The following ZNF407 variants were observed in gnomAD, a reference collection of about 807,000 sequenced individuals.
The protein encoded by ZNF407 is zinc finger protein 407.
ZNF407 carries 17 observed loss-of-function variants against 131.2 expected under a neutral mutation model. The ratio of observed to expected loss-of-function variants is 0.13; its 90% confidence interval spans 0.09 to 0.19. The LOEUF (loss-of-function observed/expected upper bound fraction) is 0.19, where lower values mean the gene tolerates loss of function less well. Ranked by LOEUF, ZNF407 falls within the 10% of genes least tolerant of loss-of-function variation. The pLI, the probability that ZNF407 is intolerant of heterozygous loss-of-function variation, is 1.00. For missense variants in ZNF407, 2,681 were observed against 2,830.6 expected (o/e 0.95, Z 1.20); for synonymous variants, 1,156 against 1,062.0 (o/e 1.09, Z -1.72).
chr18:74,842,117 G>A (rs1291547285), intron 4 of ZNF407, among the ~76,000 whole-genome samples: 1 of 152,142 alleles, frequency 6.6e-6, no homozygotes, highest in African/African-American at 2.4e-5. Context: ...TTTTTGGAAA[G>A]GTTGCCTAAG....
chr18:74,702,305 A>C (rs1037034705), intron 3 of ZNF407, among the ~76,000 whole-genome samples: 1 of 152,146 alleles, frequency 6.6e-6, no homozygotes, highest in Non-Finnish European at 1.5e-5. Flanking sequence ...AATCAAGTAC[A>C]CTTTTGGTGT....
chr18:74,679,970 T>A (rs951599824), intron 3 of ZNF407, among the ~76,000 whole-genome samples: 4 of 152,242 alleles, frequency 2.6e-5, no homozygotes, highest in Non-Finnish European at 4.4e-5. Flanking sequence ...TTATTATGAA[T>A]GTGAGTCCTG....
rs538943464 is a variant in ZNF407 at position 75,031,030 on chromosome 18, A to G, written c.5429-32120A>G. Among the ~76,000 whole-genome samples, 9 of 152,338 alleles carry G rather than the reference A, an allele frequency of 5.9e-5. No individual in the cohort carries two copies. The South Asian group carries it at 1.4e-3, about 25-fold the overall frequency. The stretch of plus-strand genomic sequence containing the variant: ...GGCCATGGGTGTTTGCAGACCTGAA[A>G]GGTGGCATGCCCCCACACACATAGC... On this transcript the variant is annotated intron_variant, in intron 8 of 8. Coordinates refer to ENST00000299687, the MANE Select transcript of ZNF407 (RefSeq NM_017757.3).
intron 3 of ZNF407, among the ~76,000 whole-genome samples, chr18:74,687,094 C>G (rs1456498860): frequency 6.6e-6 from 1 of 151,992 alleles, no homozygotes; most frequent in Non-Finnish European, 1.5e-5. Flanking sequence ...ATGCCTATAA[C>G]CCTAGTGCTT....
chr18:74,814,505 G>T (rs189074527), intron 4 of ZNF407, among the ~76,000 whole-genome samples: 1 of 152,084 alleles, frequency 6.6e-6, no homozygotes, highest in Admixed American at 6.6e-5. Context: ...TATTTTTAAA[G>T]GATTTATTTG....
In ZNF407 at chr18:74,766,009, CTGTGTGTGTGTGTGTG is replaced by C. The variant is rs58103313; in HGVS notation, c.4803-15387_4803-15372del. On this transcript the variant is annotated intron_variant, in intron 3 of 8. Coordinates refer to ENST00000299687, the MANE Select transcript of ZNF407 (RefSeq NM_017757.3). Reference sequence around the variant, plus strand: ...GCCACTGTGATATACGCATATTACTCTGTGTGTGTGTGTGTGTGTGTGTGTGTGTGTGTGTGTGTGT... The same window carrying C: ...GCCACTGTGATATACGCATATTACTCTGTGTGTGTGTGTGTGTGTGTGTGT... Among the ~76,000 whole-genome samples the C allele has an allele frequency of 7.0e-3, 1,039 of 148,194 alleles. 10 individuals carry two copies. The highest frequency in any genetic ancestry group is 0.019 in the African/African-American group (752 of 40,110).
intron 4 of ZNF407, among the ~76,000 whole-genome samples, chr18:74,856,903 C>G (rs544626695): frequency 2.0e-5 from 3 of 152,268 alleles, no homozygotes; most frequent in Admixed American, 2.0e-4. Flanking sequence ...AAGCCAGGAA[C>G]AAGACACTGG....
chr18:74,735,568 G>A (rs971040400), intron 3 of ZNF407, among the ~76,000 whole-genome samples: 20 of 152,174 alleles, frequency 1.3e-4, no homozygotes, highest in Admixed American at 8.5e-4. Context: ...TTACTCAACC[G>A]TTGAGGAGAG....
chr18:74,626,492 G>A (rs1205948554), intron 1 of ZNF407, among the ~76,000 whole-genome samples: 2 of 152,212 alleles, frequency 1.3e-5, no homozygotes, highest in Admixed American at 6.5e-5. Flanking sequence ...TCACTGGTGT[G>A]TATGTCATGT....
chr18:74,760,646 CA>C (rs1279587858), intron 3 of ZNF407, among the ~76,000 whole-genome samples: 1 of 152,104 alleles, frequency 6.6e-6, no homozygotes, highest in Non-Finnish European at 1.5e-5. Flanking sequence ...AAGTCAAAGA[CA>C]AACCCTGAGC....
At chr18:74,931,467 A>G (rs572319307) in intron 8 of ZNF407, among the ~76,000 whole-genome samples, 127 of 152,284 alleles carry the variant, frequency 8.3e-4, no homozygotes, top group African/African-American at 1.5e-3. Flanking sequence ...GCTCAACACC[A>G]TTACTGTTAG....
At chr18:74,720,248 G>A (rs555665997) in intron 3 of ZNF407, among the ~76,000 whole-genome samples, 5 of 151,450 alleles carry the variant, frequency 3.3e-5, no homozygotes, top group African/African-American at 4.9e-5. Flanking sequence ...GTTTTGATTT[G>A]CATTTCCCTG....
intron 3 of ZNF407, among the ~76,000 whole-genome samples, chr18:74,767,084 G>A (rs1969250648): frequency 6.6e-6 from 1 of 151,942 alleles, no homozygotes; most frequent in South Asian, 2.1e-4. Flanking sequence ...GCTAATTTTT[G>A]TATTTTTAGT....
At chr18:74,796,141 T>G (rs1969915871) in intron 4 of ZNF407, among the ~76,000 whole-genome samples, 1 of 152,242 alleles carries the variant, frequency 6.6e-6, no homozygotes. Flanking sequence ...AATCTTAATT[T>G]TATCATGGTG....
intron 3 of ZNF407, among the ~76,000 whole-genome samples, chr18:74,664,782 C>T (rs769877922): frequency 6.6e-6 from 1 of 151,984 alleles, no homozygotes; most frequent in Non-Finnish European, 1.5e-5. Flanking sequence ...CCCAGTGCAT[C>T]TGTTTTTGGC....
chr18:74,849,787 A>G (rs1970755817), intron 4 of ZNF407, among the ~76,000 whole-genome samples: 1 of 152,210 alleles, frequency 6.6e-6, no homozygotes, highest in Admixed American at 6.5e-5. Flanking sequence ...TCAAGAAAAG[A>G]TAATAAGATT....
rs901089486 is a variant in ZNF407 at position 74,765,252 on chromosome 18, C to T, written c.4803-16176C>T. On this transcript the variant is annotated intron_variant, in intron 3 of 8. Transcript: ENST00000299687. ...GTTCCCTAATTTTAATATCTTTGTT[C>T]ATTCTGGGTTGGTTGTATTTGATTG... 1.2e-4 allele frequency among the ~76,000 whole-genome samples: 19 copies of T among 152,060 alleles called. 1 individual carries two copies. Among genetic ancestry groups the T allele is most frequent in the African/African-American group, 4.6e-4 (19 of 41,398 alleles).
intron 8 of ZNF407, among the ~76,000 whole-genome samples, chr18:75,020,316 ATGTGTGTGTG>A (rs56845489): frequency 1.3e-5 from 2 of 149,654 alleles, no homozygotes; most frequent in African/African-American, 4.9e-5. Context: ...GTGTATGTGC[ATGTGTGTGTG>A]TGTGTGTGTG....
At chr18:74,718,712 A>G (rs936725007) in intron 3 of ZNF407, among the ~76,000 whole-genome samples, 1 of 152,044 alleles carries the variant, frequency 6.6e-6, no homozygotes. Context: ...GACTAGTAAT[A>G]TTTTCAATGT....
Sources: gnomAD v4.1 joint callset for allele counts (sites outside exome capture counted in the v4.1 genomes callset) on GRCh38, gnomAD v4.1.1 for gene constraint, MANE v1.5 for transcripts, NCBI Gene and HGNC (gene_info 2026-07-23, HGNC 2026-07-21) for gene names.